The following CTSB variants were observed in gnomAD, a reference collection of about 807,000 sequenced individuals.
CTSB encodes the protein APP secretase.
In CTSB, 57 loss-of-function variants were observed where a neutral mutation model predicts 44.3. The observed-to-expected ratio is 1.29, with a 90% CI of 1.04 to 1.60. The LOEUF is 1.60. Ranked by LOEUF, CTSB falls within the 40% of genes most tolerant of loss-of-function variation. The probability of loss-of-function intolerance (pLI) is 0.00; values close to 1 mark genes in which losing one functional copy is unlikely to be tolerated. For synonymous variants in CTSB, 320 were observed against 168.0 expected, an observed-to-expected ratio of 1.91 and a Z score of -7.00; for missense variants, 768 against 443.0, an observed-to-expected ratio of 1.73 and a Z score of -6.59.
At chr8:11,848,345 C>T (rs1363795146) in intron 5 of CTSB, 193 bp from the exon 6 acceptor site, 15 of 684,948 alleles carry the variant, frequency 2.2e-5, no homozygotes, top group East Asian at 5.5e-5. Context: ...AGGGAATAAC[C>T]GCCAGCCCCA....
At chr8:11,853,036 G>A (rs1323240301) in intron 2 of CTSB, among the ~76,000 whole-genome samples, 1 of 152,154 alleles carries the variant, frequency 6.6e-6, no homozygotes, top group African/African-American at 2.4e-5. Context: ...GGGCGTCACA[G>A]GGGCTAGCTG....
intron 1 of CTSB, among the ~76,000 whole-genome samples, chr8:11,860,559 G>A (rs1816263635): frequency 6.6e-6 from 1 of 152,218 alleles, no homozygotes; most frequent in Non-Finnish European, 1.5e-5. Context: ...AGGAGGTGGA[G>A]GCTGCAGTGG....
In CTSB at chr8:11,847,814, G is replaced by C. The variant is rs1393692485; in HGVS notation, c.541C>G (p.Pro181Ala). ...TGCTCACAGGGAGGGATGGAGTACG[G>C]TCTGCACCCTGATGGGACGCGGGAG... ...GLYESHVGCR[P>A]YSIPPCEHHV... Residue 181 changes from proline (P) to alanine (A), a missense_variant, in exon 7 of 10, where the codon CCG becomes GCG. Physicochemically the swap from Pro to Ala is conservative, Grantham distance 27. Coordinates refer to ENST00000353047, the MANE Select transcript of CTSB (RefSeq NM_001908.5). 1.9e-6 allele frequency: 3 copies of C among 1,592,864 alleles called. No individual in the cohort carries two copies. In the African/African-American group the frequency reaches 4.1e-5, roughly 22 times the overall value.
intron 1 of CTSB, among the ~76,000 whole-genome samples, chr8:11,854,520 G>T (rs913634325): frequency 6.6e-6 from 1 of 151,142 alleles, no homozygotes; most frequent in African/African-American, 2.4e-5. Flanking sequence ...CAGGGTCTTG[G>T]TCTGTGGGCC....
intron 9 of CTSB, 52 bp from the exon 10 acceptor site, chr8:11,845,274 T>C (rs757921757): frequency 4.4e-6 from 6 of 1,361,418 alleles, no homozygotes; most frequent in African/African-American, 2.9e-5. Flanking sequence ...TCAACCAATA[T>C]AGTCAGACTC....
chr8:11,853,400 T>C lies in CTSB; in HGVS notation c.55A>G (p.Ser19Gly). 2 of 1,612,536 alleles carry C rather than the reference T, an allele frequency of 1.2e-6. No individual in the cohort carries two copies. The highest frequency in any genetic ancestry group is 8.5e-7 in the Non-Finnish European group (1 of 1,179,716). Residue 19 changes from serine to glycine, a missense_variant, in exon 2 of 10, where the codon AGC (serine) becomes GGC (glycine). By Grantham distance (56) the Ser-to-Gly change is moderately conservative. Transcript: ENST00000353047. Reference sequence around the variant, plus strand: ...GACAGGGGATGGAAAGAGGGCCTGCTCCGGGCATTGGCCAACACCAGCAGG... The same window carrying C: ...GACAGGGGATGGAAAGAGGGCCTGCCCCGGGCATTGGCCAACACCAGCAGG... ...CCLLVLANAR[S>G]RPSFHPLSDE...
In CTSB at chr8:11,852,604, A is replaced by G; in HGVS notation, c.212+6T>C. 1 of 1,609,002 alleles carries G rather than the reference A, an allele frequency of 6.2e-7. No homozygotes were observed. Among genetic ancestry groups the G allele is most frequent in the Non-Finnish European group, 8.5e-7 (1 of 1,176,004 alleles). Reference sequence around the variant, plus strand: ...ATTACAGCGGTGCAGAGGAGCAGGCACTCACCTCTGGGGTGGCTTGGGCCC... The same window carrying G: ...ATTACAGCGGTGCAGAGGAGCAGGCGCTCACCTCTGGGGTGGCTTGGGCCC... On this transcript the variant is annotated splice_donor_region_variant and intron_variant, in intron 3 of 9. Transcript: ENST00000353047.
chr8:11,849,221 G>C (rs1355819809), intron 4 of CTSB, 57 bp from the exon 5 acceptor site: 1 of 1,456,974 alleles, frequency 6.9e-7, no homozygotes, highest in Non-Finnish European at 9.6e-7. Flanking sequence ...GCCCTCTGCA[G>C]CAGTCCCCTC....
rs779638864 is a variant in CTSB, at chr8:11,845,143, C to G, written c.1002G>C (p.Gln334His). The G allele has an allele frequency of 3.7e-6, 6 of 1,613,490 alleles. No homozygotes were observed. The highest frequency in any genetic ancestry group is 3.3e-5 in the South Asian group (3 of 91,068). Residue 334 changes from glutamine to histidine, a missense_variant, in exon 10 of 10, where the codon CAG becomes CAC. Transcript: ENST00000353047. ...CGGCAGATTAGATCTTTTCCCAGTA[C>G]TGATCGGTGCGTGGAATTCCAGCCA... ...EVVAGIPRTDQYWEKI is the reference protein window; with the variant it reads ...EVVAGIPRTDHYWEKI
chr8:11,851,207 G>C (rs1255484648), intron 3 of CTSB, among the ~76,000 whole-genome samples: 1 of 152,058 alleles, frequency 6.6e-6, no homozygotes, highest in Non-Finnish European at 1.5e-5. Context: ...GAGGGTGGGA[G>C]TGGACAGAAT....
chr8:11,859,969 A>C (rs546944464), intron 1 of CTSB, among the ~76,000 whole-genome samples: 1 of 146,870 alleles, frequency 6.8e-6, no homozygotes, highest in Non-Finnish European at 1.5e-5. Context: ...CTACTCAGGA[A>C]GCTGAGGCAG....
At chr8:11,863,903 C>A (rs568784500) in intron 1 of CTSB, among the ~76,000 whole-genome samples, 9 of 152,168 alleles carry the variant, frequency 5.9e-5, no homozygotes. Flanking sequence ...ACCTCATGAC[C>A]CAGAAACAAA....
intron 1 of CTSB, chr8:11,853,708 G>T: frequency 2.1e-6 from 1 of 477,074 alleles, no homozygotes; most frequent in Admixed American, 3.4e-5. Context: ...CAGAGAGAGA[G>T]CCAAGGGGCT....
At position 11,846,007 on chromosome 8, in the gene CTSB, AAT is replaced by A. The variant is rs1455238027; in HGVS notation, c.794-220_794-219del. The A allele has an allele frequency of 1.5e-5, 6 of 398,768 alleles. No homozygotes were observed. In the East Asian group the frequency reaches 2.0e-4, roughly 13 times the overall value. The allele number at this position is 398,768 out of a possible 1,614,324, so 24.7% of individuals were successfully genotyped here. A position where few individuals can be genotyped will look rare whatever the true frequency, so the allele number is the denominator to read the frequency against. On this transcript the variant is annotated intron_variant, in intron 8 of 9. Coordinates refer to ENST00000353047, the MANE Select transcript of CTSB (RefSeq NM_001908.5). ...CTCAAAGTTGTTGAGTAAATATTGA[AAT>A]AGATTCCTACAAAATGTGCTTGTTG...
intron 8 of CTSB, chr8:11,846,458 G>C (rs1458857090): frequency 1.3e-5 from 2 of 152,528 alleles, no homozygotes; most frequent in African/African-American, 2.4e-5. Context: ...TAATGGGATA[G>C]ATGCAGTCAG....
chr8:11,858,889 C>T (rs894362146), intron 1 of CTSB, among the ~76,000 whole-genome samples: 4 of 152,288 alleles, frequency 2.6e-5, no homozygotes, highest in African/African-American at 7.2e-5. Context: ...GCACCCACTT[C>T]CCTTTTATTT....
chr8:11,859,131 G>C (rs6981167), intron 1 of CTSB, among the ~76,000 whole-genome samples: 2 of 151,810 alleles, frequency 1.3e-5, no homozygotes, highest in Non-Finnish European at 2.9e-5. Context: ...CTAATCTTTG[G>C]GTTAAAAAAA....
In CTSB at chr8:11,849,126, G is replaced by T; in HGVS notation, c.366C>A (p.Cys122Ter). 1.9e-6 allele frequency: 3 copies of T among 1,613,374 alleles called. No individual in the cohort carries two copies. Among genetic ancestry groups the T allele is most frequent in the Non-Finnish European group, 2.5e-6 (3 of 1,179,836 alleles). Residue 122 changes from cysteine to a stop codon, truncating the protein, a stop_gained, in exon 5 of 10, where the codon TGC becomes TGA. Coordinates refer to ENST00000353047, the MANE Select transcript of CTSB (RefSeq NM_001908.5). LOFTEE classifies it high-confidence loss of function. The stretch of plus-strand genomic sequence containing the variant: ...CGCTGACGTGCGCATTGGTGTGGAT[G>T]CAGATCCGGTCAGAGATGGCTTCCA... ...GAVEAISDRI[C>*]IHTNAHVSVE...
intron 1 of CTSB, chr8:11,854,593 T>TTCAAACAATTCTTGTA (rs71205034): frequency 6.6e-6 from 1 of 151,512 alleles, no homozygotes; most frequent in Non-Finnish European, 1.5e-5. Context: ...ACCTCCCAGG[T>TTCAAACAATTCTTGTA]TCTTAGCCTC....
Sources: gnomAD v4.1 joint callset for allele counts (sites outside exome capture counted in the v4.1 genomes callset) on GRCh38, gnomAD v4.1.1 for gene constraint, MANE v1.5 for transcripts, NCBI Gene and HGNC (gene_info 2026-07-23, HGNC 2026-07-21) for gene names.